The following APOLD1 variants were observed in gnomAD, a reference collection of about 807,000 sequenced individuals.
The protein encoded by APOLD1 is apolipoprotein L domain-containing protein 1.
APOLD1 carries 22 observed loss-of-function variants against 15.3 expected under a neutral mutation model. That is an observed-to-expected ratio of 1.44 (90% CI 1.03 to 2.05). APOLD1 has a LOEUF of 2.05. Among genes scored for constraint, APOLD1 ranks in the 30% most tolerant of loss-of-function variants. The probability of loss-of-function intolerance (pLI) is 0.00; values close to 1 mark genes in which losing one functional copy is unlikely to be tolerated. For missense variants in APOLD1, 394 were observed against 353.5 expected, an observed-to-expected ratio of 1.11 and a Z score of -0.92; for synonymous variants, 190 against 167.4, an observed-to-expected ratio of 1.13 and a Z score of -1.04.
intron 1 of APOLD1, among the ~76,000 whole-genome samples, chr12:12,747,351 C>T (rs1043859994): frequency 7.2e-5 from 11 of 152,164 alleles, no homozygotes; most frequent in Admixed American, 2.6e-4. Flanking sequence ...TAGTGTAACA[C>T]CTGGCTTTTC....
At chr12:12,756,746 A>G in intron 1 of APOLD1, among the ~76,000 whole-genome samples, 1 of 152,278 alleles carries the variant, frequency 6.6e-6, no homozygotes. Flanking sequence ...TAGGTACCTA[A>G]TATAAGTGGA....
intron 1 of APOLD1, among the ~76,000 whole-genome samples, chr12:12,730,029 TGTG>T (rs1946624485): frequency 4.2e-5 from 1 of 23,756 alleles, no homozygotes; most frequent in Admixed American, 3.8e-4. Flanking sequence ...GCTAACTTTG[TGTG>T]TGTGTGTGTG....
At position 12,742,002 on chromosome 12, in the gene APOLD1, G is replaced by A. The variant is rs762039905; in HGVS notation, c.96+15906G>A. Among the ~76,000 whole-genome samples, 5 of 152,236 alleles carry A rather than the reference G, an allele frequency of 3.3e-5. No individual in the cohort carries two copies. The South Asian group carries it at 1.0e-3, about 32-fold the overall frequency. ...AATTATTCTCTTTCACTTTCTGCCCGATTAAAAGACCATATGGTAATTAAA... is the reference window on the plus strand; with the variant it reads ...AATTATTCTCTTTCACTTTCTGCCCAATTAAAAGACCATATGGTAATTAAA... On this transcript the variant is annotated intron_variant, in intron 1 of 1. Transcript: ENST00000326765.
Position 12,787,171 on chromosome 12 carries a change from C to T in APOLD1, c.266C>T (p.Ala89Val). Reference sequence around the variant, plus strand: ...CTGGGGACCTCGCTGCTGGTGTCGGCCGTGGGGCTGGGGGTGGCCACAGCC... The same window carrying T: ...CTGGGGACCTCGCTGCTGGTGTCGGTCGTGGGGCTGGGGGTGGCCACAGCC... ...VTLGTSLLVSAVGLGVATAGG... is the reference protein window; with the variant it reads ...VTLGTSLLVSVVGLGVATAGG... Residue 89 changes from alanine (A) to valine (V), a missense_variant, in exon 2 of 2, where the codon GCC (alanine) becomes GTC (valine). By Grantham distance (64) the Ala-to-Val change is moderately conservative. Transcript: ENST00000356591. The surrounding 1 kb of genome is among the most constrained non-coding windows in gnomAD (Gnocchi z 4.9). The T allele has an allele frequency of 6.5e-7, 1 of 1,528,288 alleles. No individual in the cohort carries two copies. 94.7% of individuals were successfully genotyped at this position (1,528,288 alleles called of 1,614,324 possible).
At chr12:12,751,843 C>G (rs1946814229) in intron 1 of APOLD1, among the ~76,000 whole-genome samples, 1 of 152,116 alleles carries the variant, frequency 6.6e-6, no homozygotes, top group Admixed American at 6.5e-5. Flanking sequence ...ATCCATTGAT[C>G]TCTATAAGAA....
intron 1 of APOLD1, among the ~76,000 whole-genome samples, chr12:12,745,763 A>G (rs571816849): frequency 6.6e-6 from 1 of 152,244 alleles, no homozygotes; most frequent in East Asian, 1.9e-4. Flanking sequence ...TAGCACAAAT[A>G]GTTTCAGGTG....
At chr12:12,774,570 A>G (rs1188763938) in intron 1 of APOLD1, among the ~76,000 whole-genome samples, 5 of 115,580 alleles carry the variant, frequency 4.3e-5, no homozygotes, top group South Asian at 7.2e-4. Context: ...AAAAAAAAAA[A>G]AAAAGAAAGA....
chr12:12,786,728 A>G (rs1355160340), intron 1 of APOLD1, 181 bp from the exon 2 acceptor site: 1 of 985,274 alleles, frequency 1.0e-6, no homozygotes, highest in Non-Finnish European at 1.2e-6. Flanking sequence ...CTCCCCCCGG[A>G]TTCCAGAACA....
intron 1 of APOLD1, among the ~76,000 whole-genome samples, chr12:12,730,997 C>A (rs1464573008): frequency 1.3e-5 from 2 of 151,864 alleles, no homozygotes; most frequent in African/African-American, 2.4e-5. Flanking sequence ...AAAAATTAGC[C>A]GGGCGTGGTG....
rs1188589954 is a variant in APOLD1, at chr12:12,786,925, C to T, written c.20C>T (p.Ala7Val). 3 of 1,447,782 alleles carry T rather than the reference C, an allele frequency of 2.1e-6. No homozygotes were observed. Among genetic ancestry groups the T allele is most frequent in the South Asian group, 1.4e-5 (1 of 72,726 alleles). 89.7% of individuals were successfully genotyped at this position (1,447,782 alleles called of 1,614,324 possible). Reference protein sequence around the residue: MGMERPAAREPHGPDAL... With the variant: MGMERPVAREPHGPDAL... ...TCCCCGCAGGGAATGGAGAGGCCGGCGGCCCGGGAGCCGCATGGGCCCGAC... is the reference window on the plus strand; with the variant it reads ...TCCCCGCAGGGAATGGAGAGGCCGGTGGCCCGGGAGCCGCATGGGCCCGAC... Residue 7 changes from alanine to valine, a missense_variant, in exon 2 of 2, where the codon GCG becomes GTG. By Grantham distance (64) the Ala-to-Val change is moderately conservative. Transcript: ENST00000356591.
rs3080830 is a variant in APOLD1 at position 12,788,889 on chromosome 12, TGA to T, written c.*1255_*1256del. 123,275 of 150,368 alleles carry T rather than the reference TGA, an allele frequency of 0.82. 50,543 individuals carry two copies. The highest frequency in any genetic ancestry group is 0.87 in the Middle Eastern group (256 of 294). 9.3% of individuals were successfully genotyped at this position (150,368 alleles called of 1,614,324 possible). A position where few individuals can be genotyped will look rare whatever the true frequency, so the allele number is the denominator to read the frequency against. ...ACAGACTGTGTCCCAGAAGCCAAAA[TGA>T]GAGAGAGAGAGAGAGAGCACGCGTA... On this transcript the variant is annotated 3_prime_UTR_variant, in exon 2 of 2. Transcript: ENST00000356591.
intron 1 of APOLD1, among the ~76,000 whole-genome samples, chr12:12,737,776 C>T (rs1022365213): frequency 6.6e-6 from 1 of 152,156 alleles, no homozygotes; most frequent in Non-Finnish European, 1.5e-5. Context: ...AGCTGTAGTT[C>T]CTACTGATGT....
chr12:12,757,684 T>C (rs1389621965), intron 1 of APOLD1, among the ~76,000 whole-genome samples: 1 of 150,118 alleles, frequency 6.7e-6, no homozygotes, highest in Non-Finnish European at 1.5e-5. Flanking sequence ...AAAAAAAAAA[T>C]CATTTTATTG....
At chr12:12,737,746 G>A (rs1420179590) in intron 1 of APOLD1, among the ~76,000 whole-genome samples, 1 of 152,186 alleles carries the variant, frequency 6.6e-6, no homozygotes, top group Non-Finnish European at 1.5e-5. Context: ...GCCCAGGGTT[G>A]GTGTTAACTA....
intron 1 of APOLD1, among the ~76,000 whole-genome samples, chr12:12,760,950 A>G (rs1169554017): frequency 1.3e-5 from 2 of 152,218 alleles, no homozygotes; most frequent in East Asian, 1.9e-4. Context: ...TTATTATTAC[A>G]TACAATGCTC....
chr12:12,728,810 G>A (rs1389833148), intron 1 of APOLD1, among the ~76,000 whole-genome samples: 7 of 152,044 alleles, frequency 4.6e-5, no homozygotes, highest in African/African-American at 1.7e-4. Context: ...GCCTCACTGC[G>A]ACTCTTCAGG....
chr12:12,775,972 C>T (rs1947029612), intron 1 of APOLD1, among the ~76,000 whole-genome samples: 1 of 129,060 alleles, frequency 7.7e-6, no homozygotes, highest in Admixed American at 1.0e-4. Context: ...CCACTGCACT[C>T]CAGCTTGGGT....
chr12:12,760,769 G>T (rs1385686592), intron 1 of APOLD1, among the ~76,000 whole-genome samples: 1 of 151,918 alleles, frequency 6.6e-6, no homozygotes, highest in Non-Finnish European at 1.5e-5. Context: ...CAAAATATAT[G>T]AATAGATCAT....
chr12:12,780,972 T>G (rs985577165), upstream of APOLD1, among the ~76,000 whole-genome samples: 5 of 152,024 alleles, frequency 3.3e-5, no homozygotes, highest in African/African-American at 4.8e-5. Context: ...AAAGTCATCA[T>G]CACATAACTT....
Sources: gnomAD v4.1 joint callset for allele counts (sites outside exome capture counted in the v4.1 genomes callset) on GRCh38, gnomAD v4.1.1 for gene constraint, Gnocchi (gnomAD v3.1) non-coding constraint, MANE v1.5 for transcripts, NCBI Gene and HGNC (gene_info 2026-07-23, HGNC 2026-07-21) for gene names.